LRMDA: variants seen among roughly 807,000 people sequenced by gnomAD.
LRMDA encodes the protein leucine-rich melanocyte differentiation-associated protein.
Under a neutral mutation model 29.8 loss-of-function variants are expected in LRMDA, and 18 were observed. The ratio of observed to expected loss-of-function variants is 0.60; its 90% CI spans 0.42 to 0.90. The LOEUF is 0.90. Ranked by LOEUF, LRMDA falls within the 40% of genes least tolerant of loss-of-function variation. The pLI, the probability that LRMDA is intolerant of heterozygous loss-of-function variation, is 0.00. For synonymous variants in LRMDA, 125 were observed against 109.4 expected (o/e 1.14, Z -0.89); for missense variants, 273 against 273.9 (o/e 1.00, Z 0.02).
At chr10:76,203,377 A>C (rs1851468388) in intron 5 of LRMDA, among the ~76,000 whole-genome samples, 1 of 152,210 alleles carries the variant, frequency 6.6e-6, no homozygotes, top group African/African-American at 2.4e-5. Context: ...CCTGGGCTCA[A>C]GTGATCCTCC....
intron 2 of LRMDA, among the ~76,000 whole-genome samples, chr10:75,953,078 T>C (rs1376563022): frequency 6.6e-6 from 1 of 152,118 alleles, no homozygotes; most frequent in African/African-American, 2.4e-5. Flanking sequence ...TTAAAAATTA[T>C]TTAATTTTTT....
At chr10:75,894,917 A>G (rs994643885) in intron 2 of LRMDA, among the ~76,000 whole-genome samples, 6 of 152,200 alleles carry the variant, frequency 3.9e-5, no homozygotes, top group African/African-American at 1.4e-4. Flanking sequence ...TAAACCCACA[A>G]GTTAGGTAAT....
intron 2 of LRMDA, among the ~76,000 whole-genome samples, chr10:75,783,979 G>A (rs1034311196): frequency 6.6e-6 from 1 of 152,226 alleles, no homozygotes; most frequent in African/African-American, 2.4e-5. Flanking sequence ...CAAGGCAGAA[G>A]CAATACCTAA....
intron 2 of LRMDA, among the ~76,000 whole-genome samples, chr10:76,021,379 G>A (rs1193047733): frequency 6.6e-6 from 1 of 152,184 alleles, no homozygotes; most frequent in Non-Finnish European, 1.5e-5. Context: ...GAAGGTGATA[G>A]GAATAAAACC....
intron 2 of LRMDA, among the ~76,000 whole-genome samples, chr10:75,896,758 T>G (rs1320632990): frequency 6.6e-6 from 1 of 152,092 alleles, no homozygotes; most frequent in Non-Finnish European, 1.5e-5. Context: ...CCCACTTCTC[T>G]CTTACTTGGG....
At chr10:76,234,005 A>G (rs1852105993) in intron 5 of LRMDA, among the ~76,000 whole-genome samples, 1 of 152,216 alleles carries the variant, frequency 6.6e-6, no homozygotes, top group Admixed American at 6.5e-5. Context: ...TAGAATGGTG[A>G]ATCCTTTCCA....
chr10:75,772,215 T>C (rs1221813491), intron 2 of LRMDA, among the ~76,000 whole-genome samples: 2 of 152,240 alleles, frequency 1.3e-5, no homozygotes, highest in Non-Finnish European at 2.9e-5. Context: ...TTGCTTTTAT[T>C]GTGCAATCAT....
chr10:76,493,949 G>T (rs1842858019), intron 6 of LRMDA, among the ~76,000 whole-genome samples: 1 of 151,812 alleles, frequency 6.6e-6, no homozygotes, highest in Non-Finnish European at 1.5e-5. Flanking sequence ...ATATTTCTGT[G>T]CTATTCTTTG....
intron 2 of LRMDA, among the ~76,000 whole-genome samples, chr10:75,867,418 C>T (rs1845039337): frequency 6.6e-6 from 1 of 152,176 alleles, no homozygotes; most frequent in Non-Finnish European, 1.5e-5. Context: ...GCCTCGGCCT[C>T]CCAAAGTGCT....
chr10:76,491,027 G>T (rs1842828928), intron 6 of LRMDA, among the ~76,000 whole-genome samples: 1 of 151,704 alleles, frequency 6.6e-6, no homozygotes, highest in African/African-American at 2.4e-5. Flanking sequence ...AACACTAATT[G>T]CATCAACAAA....
chr10:76,132,294 T>G (rs1850007167), intron 5 of LRMDA, among the ~76,000 whole-genome samples: 1 of 152,154 alleles, frequency 6.6e-6, no homozygotes, highest in Admixed American at 6.5e-5. Flanking sequence ...TTGAGAGATG[T>G]CTGCTTTTCA....
rs1844255698 is a variant in LRMDA at position 75,435,667 on chromosome 10, G to GT, written c.31-2727_31-2726insT. ...ATAGTTAAGACCATGTACTGAAACAGGCTGCTGACAGTCTCATCAGATGTT... is the reference window on the plus strand; with the variant it reads ...ATAGTTAAGACCATGTACTGAAACAGTGCTGCTGACAGTCTCATCAGATGTT... On this transcript the variant is annotated intron_variant, in intron 1 of 6. Transcript: ENST00000611255. 6.6e-5 allele frequency among the ~76,000 whole-genome samples: 10 copies of GT among 152,332 alleles called. No individual in the cohort carries two copies. The South Asian group carries it at 2.1e-3, about 32-fold the overall frequency.
chr10:76,041,340 A>G (rs1009421951), intron 3 of LRMDA, among the ~76,000 whole-genome samples: 3 of 152,186 alleles, frequency 2.0e-5, no homozygotes, highest in African/African-American at 7.2e-5. Flanking sequence ...ATTATAAGTC[A>G]CTTTTTCCTC....
chr10:75,558,829 A>G (rs1840252104), intron 2 of LRMDA, among the ~76,000 whole-genome samples: 1 of 143,344 alleles, frequency 7.0e-6, no homozygotes, highest in South Asian at 2.5e-4. Context: ...ATGATTTCCA[A>G]TTTCATCCAT....
At chr10:76,386,430 G>T (rs1841660400) in intron 6 of LRMDA, among the ~76,000 whole-genome samples, 1 of 152,160 alleles carries the variant, frequency 6.6e-6, no homozygotes, top group South Asian at 2.1e-4. Context: ...GGGGAAGTTT[G>T]TTGGACTAAA....
At chr10:75,498,407 T>C (rs1845073431) in intron 2 of LRMDA, among the ~76,000 whole-genome samples, 1 of 152,226 alleles carries the variant, frequency 6.6e-6, no homozygotes. Context: ...AGGATAGCTG[T>C]ATTCTGGGAG....
At position 75,517,056 on chromosome 10, in the gene LRMDA, T is replaced by C. The variant is rs185248799; in HGVS notation, c.131+78562T>C. ...AGGCCACTGTTCTGTTCCATTGATC[T>C]ATCTCTCTGTTTTGGTACCAGTACC... On this transcript the variant is annotated intron_variant, in intron 2 of 6. Coordinates refer to ENST00000611255, the MANE Select transcript of LRMDA (RefSeq NM_001305581.2). Among the ~76,000 whole-genome samples, 926 of 152,282 alleles carry C rather than the reference T, an allele frequency of 6.1e-3. 17 individuals carry two copies. The highest frequency in any genetic ancestry group is 0.021 in the African/African-American group (880 of 41,504).
chr10:76,105,934 A>G (rs1354521388), intron 5 of LRMDA, among the ~76,000 whole-genome samples: 2 of 152,122 alleles, frequency 1.3e-5, no homozygotes, highest in African/African-American at 4.8e-5. Flanking sequence ...TTTAGTAGAG[A>G]CAGGGTTCTG....
chr10:75,901,842 T>G (rs146697910), intron 2 of LRMDA, among the ~76,000 whole-genome samples: 1 of 152,312 alleles, frequency 6.6e-6, no homozygotes, highest in Admixed American at 6.5e-5. Flanking sequence ...ATTGACAACC[T>G]GTTTTAGATC....
Sources: allele counts gnomAD v4.1 joint callset (sites outside exome capture counted in the v4.1 genomes callset), GRCh38; gene constraint gnomAD v4.1.1; transcripts MANE v1.5; gene names NCBI Gene and HGNC (gene_info 2026-07-23, HGNC 2026-07-21).